The following NR2C2 variants were observed in gnomAD, a reference collection of about 807,000 sequenced individuals.
The protein encoded by NR2C2 is nuclear receptor subfamily 2 group C member 2.
A neutral mutation model predicts 62.9 loss-of-function variants in NR2C2; 6 were observed. The ratio of observed to expected loss-of-function variants is 0.10; its 90% confidence interval spans 0.05 to 0.19. NR2C2 has a LOEUF of 0.19. Among genes scored for constraint, NR2C2 ranks in the 10% least tolerant of loss-of-function variants. The pLI is 1.00. For missense variants in NR2C2, 479 were observed against 762.7 expected (o/e 0.63, Z 4.38); for synonymous variants, 272 against 273.8 (o/e 0.99, Z 0.07).
chr3:14,959,398 A>G lies in NR2C2; in HGVS notation c.-40+11492A>G, dbSNP rs527616441. The G allele has an allele frequency of 1.1e-4, 16 of 152,336 alleles. No individual in the cohort carries two copies. In the East Asian group the frequency reaches 2.9e-3, roughly 28 times the overall value. The allele number at this position is 152,336 out of a possible 1,614,324, so 9.4% of individuals were successfully genotyped here. On this transcript the variant is annotated intron_variant, in intron 1 of 13. Transcript: ENST00000425241. ...GTGACTTATTTTCAAAAGTAATAGA[A>G]AATATTTTTTGAAACTACTTCTCTC...
chr3:14,990,786 G>A (rs1230276243), intron 1 of NR2C2, among the ~76,000 whole-genome samples: 1 of 152,206 alleles, frequency 6.6e-6, no homozygotes, highest in African/African-American at 2.4e-5. Context: ...ATGTATTTCA[G>A]TAGTCACTTA....
intron 2 of NR2C2, among the ~76,000 whole-genome samples, chr3:15,004,241 G>A (rs1006810597): frequency 3.9e-5 from 6 of 152,116 alleles, no homozygotes; most frequent in African/African-American, 1.4e-4. Flanking sequence ...CTTCTAAATT[G>A]AGAGGCAGTA....
At chr3:14,979,454 CAATA>C (rs2040300290) in intron 1 of NR2C2, among the ~76,000 whole-genome samples, 1 of 151,884 alleles carries the variant, frequency 6.6e-6, no homozygotes, top group African/African-American at 2.4e-5. Flanking sequence ...AGGAAACAGA[CAATA>C]AACAGCTAAA....
chr3:14,998,221 C>T (rs2124893106), intron 1 of NR2C2, among the ~76,000 whole-genome samples: 1 of 152,282 alleles, frequency 6.6e-6, no homozygotes, highest in African/African-American at 2.4e-5. Flanking sequence ...ACTAATGCTG[C>T]TGTGAACATT....
intron 2 of NR2C2, among the ~76,000 whole-genome samples, chr3:15,005,363 T>C (rs991463241): frequency 2.2e-5 from 3 of 134,854 alleles, no homozygotes; most frequent in Non-Finnish European, 3.1e-5. Flanking sequence ...CACACACGCA[T>C]AATGCTTTTT....
chr3:14,999,590 A>G (rs1231922864), intron 1 of NR2C2, among the ~76,000 whole-genome samples: 1 of 152,068 alleles, frequency 6.6e-6, no homozygotes, highest in Non-Finnish European at 1.5e-5. Flanking sequence ...ACCTAATTCA[A>G]GTTCACGAAG....
chr3:14,999,496 CAAAA>C (rs964247961), intron 1 of NR2C2, among the ~76,000 whole-genome samples: 6 of 150,456 alleles, frequency 4.0e-5, no homozygotes, highest in Admixed American at 1.3e-4. Context: ...TTGTCCCCCC[CAAAA>C]AAAAAGTTTC....
Position 15,024,017 on chromosome 3 carries a change from G to A in NR2C2, c.705-98G>A, listed in dbSNP as rs138634977. On this transcript the variant is annotated intron_variant, in intron 6 of 13. Coordinates refer to ENST00000425241, the MANE Select transcript of NR2C2 (RefSeq NM_001291694.2). ...CTACTTAGAGCTTTTCTACTATTCA[G>A]ACAGCTTCACAAATGTGGAAGGACA... 3.5e-4 allele frequency: 298 copies of A among 859,406 alleles called. 1 individual carries two copies. Among genetic ancestry groups the A allele is most frequent in the Middle Eastern group, 3.1e-3 (10 of 3,202 alleles). 53.2% of individuals were successfully genotyped at this position (859,406 alleles called of 1,614,324 possible). A position where few individuals can be genotyped will look rare whatever the true frequency, so the allele number is the denominator to read the frequency against.
chr3:14,959,477 C>T (rs563988141), intron 1 of NR2C2: 3 of 152,276 alleles, frequency 2.0e-5, no homozygotes, highest in African/African-American at 7.2e-5. Context: ...AACATAGTTT[C>T]TCTTTCAATT....
At chr3:15,010,550 G>T (rs369361632) in intron 2 of NR2C2, among the ~76,000 whole-genome samples, 2 of 150,704 alleles carry the variant, frequency 1.3e-5, no homozygotes, top group Non-Finnish European at 3.0e-5. Context: ...CCCATCTCTA[G>T]AGAAAAAAAA....
chr3:14,964,290 A>C (rs1217433931), intron 1 of NR2C2, among the ~76,000 whole-genome samples: 1 of 152,216 alleles, frequency 6.6e-6, no homozygotes, highest in Non-Finnish European at 1.5e-5. Context: ...TATAAACAAA[A>C]TTATTTACCC....
Position 15,038,092 on chromosome 3 carries a change from G to A in NR2C2, c.1465G>A (p.Gly489Ser). The A allele has an allele frequency of 6.2e-7, 1 of 1,614,076 alleles. No homozygotes were observed. Among genetic ancestry groups the A allele is most frequent in the African/African-American group, 1.3e-5 (1 of 75,008 alleles). Residue 489 changes from glycine to serine, a missense_variant, in exon 12 of 14, where the codon GGC becomes AGC. Transcript: ENST00000425241. ...CNSMAKLDIDGYEYAYLKAIV... is the reference protein window; with the variant it reads ...CNSMAKLDIDSYEYAYLKAIV... ...CAGCATGGCGAAGCTGGATATAGAT[G>A]GCTATGAGTATGCATACCTTAAAGC...
At chr3:14,951,897 G>A (rs1285671006) in intron 1 of NR2C2, among the ~76,000 whole-genome samples, 1 of 152,066 alleles carries the variant, frequency 6.6e-6, no homozygotes, top group Non-Finnish European at 1.5e-5. Context: ...ACAGGTGCCC[G>A]CCACCACGCC....
intron 11 of NR2C2, 106 bp downstream of exon 11, chr3:15,034,915 T>C (rs1427995067): frequency 2.5e-6 from 3 of 1,208,020 alleles, no homozygotes; most frequent in African/African-American, 1.5e-5. Flanking sequence ...ACACCTTTGT[T>C]GACCCAGGCT....
intron 1 of NR2C2, among the ~76,000 whole-genome samples, chr3:14,958,984 A>G (rs1021513452): frequency 5.9e-5 from 9 of 152,234 alleles, no homozygotes; most frequent in Non-Finnish European, 1.3e-4. Context: ...CAAAAAATAT[A>G]TATATATAAA....
intron 2 of NR2C2, among the ~76,000 whole-genome samples, chr3:15,011,178 T>A (rs1344304421): frequency 1.3e-5 from 2 of 151,922 alleles, no homozygotes; most frequent in Non-Finnish European, 2.9e-5. Flanking sequence ...CACAAAAAAA[T>A]TTTCTAAAAA....
At chr3:14,966,355 ACT>A (rs2039857683) in intron 1 of NR2C2, among the ~76,000 whole-genome samples, 2 of 152,146 alleles carry the variant, frequency 1.3e-5, no homozygotes, top group Admixed American at 6.6e-5. Flanking sequence ...GTAGAAAGAG[ACT>A]CTATCGAGTG....
In NR2C2 at chr3:14,967,796, A is replaced by C. The variant is rs192475436; in HGVS notation, c.-40+19890A>C. 9.3e-3 allele frequency among the ~76,000 whole-genome samples: 1,410 copies of C among 152,352 alleles called. 11 individuals carry two copies. The highest frequency in any genetic ancestry group is 0.014 in the South Asian group (69 of 4,830). On this transcript the variant is annotated intron_variant, in intron 1 of 13. Coordinates refer to ENST00000425241, the MANE Select transcript of NR2C2 (RefSeq NM_001291694.2). The stretch of plus-strand genomic sequence containing the variant: ...TATTGGTACCAAAACAGAGATATAG[A>C]TCAATGCAACAGAACAGAGCCCTCA...
chr3:14,959,362 C>T (rs2039624840), intron 1 of NR2C2, among the ~76,000 whole-genome samples: 1 of 152,144 alleles, frequency 6.6e-6, no homozygotes, highest in Non-Finnish European at 1.5e-5. Flanking sequence ...TGAGAATAGG[C>T]TATATGGTTT....
Sources: allele counts gnomAD v4.1 joint callset (sites outside exome capture counted in the v4.1 genomes callset), GRCh38; gene constraint gnomAD v4.1.1; transcripts MANE v1.5; gene names NCBI Gene and HGNC (gene_info 2026-07-23, HGNC 2026-07-21).